Variants in PANX3 observed in about 807,000 individuals in gnomAD.
PANX3 encodes pannexin-3.
A neutral mutation model predicts 31.5 loss-of-function variants in PANX3; 18 were observed. The ratio of observed to expected loss-of-function variants is 0.57; its 90% CI spans 0.39 to 0.85. The LOEUF (loss-of-function observed/expected upper bound fraction) is 0.85. Among genes scored for constraint, PANX3 ranks in the 40% least tolerant of loss-of-function variants. The probability of loss-of-function intolerance (pLI) is 0.00; values close to 1 mark genes in which losing one functional copy is unlikely to be tolerated. For synonymous variants in PANX3, 194 were observed against 201.6 expected (o/e 0.96, Z 0.32); for missense variants, 426 against 485.4 (o/e 0.88, Z 1.15).
chr11:124,616,036 TA>T lies in PANX3; in HGVS notation c.325-1233del, dbSNP rs1208378721. Among the ~76,000 whole-genome samples the T allele has an allele frequency of 1.3e-5, 2 of 151,984 alleles. No individual in the cohort carries two copies. Among genetic ancestry groups the T allele is most frequent in the African/African-American group, 2.4e-5 (1 of 41,364 alleles). ...CTCAATAAATAAATAAATAAATAAA[TA>T]AAAATCTTTACAAGTAGAGATTTTA... On this transcript the variant is annotated intron_variant, in intron 2 of 3. Coordinates refer to ENST00000284288, the MANE Select transcript of PANX3 (RefSeq NM_052959.3). The surrounding 1 kb of genome is among the most constrained non-coding windows in gnomAD (Gnocchi z 4.8).
At chr11:124,618,932 C>T (rs1224543463) in intron 3 of PANX3, among the ~76,000 whole-genome samples, 2 of 152,168 alleles carry the variant, frequency 1.3e-5, no homozygotes, top group Non-Finnish European at 2.9e-5. Flanking sequence ...CCACCATGCC[C>T]GGCCCAGAAT....
Position 124,616,733 on chromosome 11 carries a change from AG to A in PANX3, c.325-540del, listed in dbSNP as rs1863156539. 6.6e-6 allele frequency among the ~76,000 whole-genome samples: 1 copy of A among 152,216 alleles called. No homozygotes were observed. Among genetic ancestry groups the A allele is most frequent in the Non-Finnish European group, 1.5e-5 (1 of 68,030 alleles). Reference sequence around the variant, plus strand: ...TTACCAAGAATCCAAAAATCAGAAAAGACCACTGTGCATCAGACAAGTCCAG... The same window carrying A: ...TTACCAAGAATCCAAAAATCAGAAAAACCACTGTGCATCAGACAAGTCCAG... On this transcript the variant is annotated intron_variant, in intron 2 of 3. Transcript: ENST00000284288. The surrounding 1 kb of genome is among the most constrained non-coding windows in gnomAD (Gnocchi z 4.8).
chr11:124,618,448 C>T (rs189981425), intron 3 of PANX3, among the ~76,000 whole-genome samples: 4 of 152,258 alleles, frequency 2.6e-5, no homozygotes, highest in East Asian at 1.9e-4. Flanking sequence ...ATTTTTATTC[C>T]GTATTTGCAT....
chr11:124,615,106 CAG>C (rs1354569066), intron 2 of PANX3, among the ~76,000 whole-genome samples: 12 of 151,404 alleles, frequency 7.9e-5, no homozygotes, highest in African/African-American at 1.5e-4. Context: ...CTTTTTGAGA[CAG>C]AGTCTTACTC....
chr11:124,617,157 CCAAA>C, intron 2 of PANX3, 113 bp from the exon 3 acceptor site: 1 of 881,826 alleles, frequency 1.1e-6, no homozygotes, highest in South Asian at 1.6e-5. Context: ...AGCCCATTCC[CCAAA>C]CAGCCTTCCC....
At chr11:124,612,630 A>C (rs1863106432) in intron 1 of PANX3, among the ~76,000 whole-genome samples, 1 of 152,208 alleles carries the variant, frequency 6.6e-6, no homozygotes, top group South Asian at 2.1e-4. Context: ...TCAACATTTT[A>C]GAGTCTAAAG....
intron 2 of PANX3, among the ~76,000 whole-genome samples, chr11:124,615,814 C>A (rs1863146739): frequency 6.6e-6 from 1 of 152,098 alleles, no homozygotes; most frequent in East Asian, 1.9e-4. Context: ...GAATTCAAGA[C>A]CAGCCTGGCC....
In PANX3 at chr11:124,613,194, C is replaced by G. The variant is rs903914142; in HGVS notation, c.324+72C>G. ...GTGCAGAACCCCTTCATTCTACTCC[C>G]TCTTGCCTCTATCCCCACCACCCCT... On this transcript the variant is annotated intron_variant, in intron 2 of 3. Coordinates refer to ENST00000284288, the MANE Select transcript of PANX3 (RefSeq NM_052959.3). 7 of 1,531,946 alleles carry G rather than the reference C, an allele frequency of 4.6e-6. No individual in the cohort carries two copies. In the East Asian group the frequency reaches 1.4e-4, roughly 30 times the overall value. The allele number at this position is 1,531,946 out of a possible 1,614,324, so 94.9% of individuals were successfully genotyped here. A position where few individuals can be genotyped will look rare whatever the true frequency, so the allele number is the denominator to read the frequency against.
rs1382511448 is a variant in PANX3, at chr11:124,619,520, T to TC, written c.768dup (p.Asn257GlnfsTer17). The TC allele has an allele frequency of 6.2e-7, 1 of 1,614,184 alleles. No homozygotes were observed. The highest frequency in any genetic ancestry group is 8.5e-7 in the Non-Finnish European group (1 of 1,180,036). On this transcript the variant is annotated frameshift_variant, in exon 4 of 4. Coordinates refer to ENST00000284288, the MANE Select transcript of PANX3 (RefSeq NM_052959.3). LOFTEE classifies it high-confidence loss of function. ...GGGCTGCTAAGTGATGAGACCCATG[T>TC]CCCCAATCTGATCACATGCAGGCTG...
chr11:124,618,193 C>T (rs1863174783), intron 3 of PANX3, among the ~76,000 whole-genome samples: 2 of 152,268 alleles, frequency 1.3e-5, no homozygotes, highest in Admixed American at 1.3e-4. Context: ...TGTAGCTTCA[C>T]ACAGAGTGGC....
At position 124,616,245 on chromosome 11, in the gene PANX3, C is replaced by G. The variant is rs1863151965; in HGVS notation, c.325-1029C>G. 6.6e-6 allele frequency among the ~76,000 whole-genome samples: 1 copy of G among 152,136 alleles called. No individual in the cohort carries two copies. The highest frequency in any genetic ancestry group is 6.5e-5 in the Admixed American group (1 of 15,276). On this transcript the variant is annotated intron_variant, in intron 2 of 3. Transcript: ENST00000284288. The surrounding 1 kb of genome is among the most constrained non-coding windows in gnomAD (Gnocchi z 4.8). ...GACCGGAAGTCTAAGATCAAGGTGTCATCAGTATTGGCTCCTCTGAAGGCT... is the reference window on the plus strand; with the variant it reads ...GACCGGAAGTCTAAGATCAAGGTGTGATCAGTATTGGCTCCTCTGAAGGCT...
At chr11:124,618,946 C>T (rs1454697703) in intron 3 of PANX3, among the ~76,000 whole-genome samples, 1 of 152,198 alleles carries the variant, frequency 6.6e-6, no homozygotes, top group Non-Finnish European at 1.5e-5. Flanking sequence ...CCAGAATGCA[C>T]TTAGCTAAAC....
At chr11:124,614,456 T>G (rs1565394577) in intron 2 of PANX3, among the ~76,000 whole-genome samples, 1 of 151,708 alleles carries the variant, frequency 6.6e-6, no homozygotes, top group African/African-American at 2.4e-5. Context: ...TTAGTAGAGA[T>G]GGAGTTTCAC....
Position 124,611,493 on chromosome 11 carries a change from TCTC to T in PANX3, c.-60_-58del. ...CAAAGTCAGCTGCCTGAAGCTGCCG[TCTC>T]CTCATTCCACCATCCCAGGACCCCT... On this transcript the variant is annotated 5_prime_UTR_variant, in exon 1 of 4. Transcript: ENST00000284288. 6 of 1,487,058 alleles carry T rather than the reference TCTC, an allele frequency of 4.0e-6. No homozygotes were observed. The highest frequency in any genetic ancestry group is 5.4e-6 in the Non-Finnish European group (6 of 1,102,054). The allele number at this position is 1,487,058 out of a possible 1,614,324, so 92.1% of individuals were successfully genotyped here.
At chr11:124,614,826 G>A (rs1311821652) in intron 2 of PANX3, among the ~76,000 whole-genome samples, 1 of 151,388 alleles carries the variant, frequency 6.6e-6, no homozygotes, top group African/African-American at 2.4e-5. Flanking sequence ...ACAGGCACCC[G>A]CTACCATCCC....
intron 3 of PANX3, 21 bp from the exon 4 acceptor site, chr11:124,619,275 C>A: frequency 6.2e-7 from 1 of 1,600,768 alleles, no homozygotes; most frequent in Non-Finnish European, 8.5e-7. Context: ...CTAACCTTGC[C>A]TCCTTCCTTC....
rs776849734 is a variant in PANX3 at position 124,616,191 on chromosome 11, A to G, written c.325-1083A>G. On this transcript the variant is annotated intron_variant, in intron 2 of 3. Transcript: ENST00000284288. This position sits in a 1 kb window ranked among gnomAD's most constrained non-coding sequence, Gnocchi z 4.8. ...GCACCACCAACTGGGTGGCTTCAAC[A>G]ATCAAAATTATCGTCTCAGGGTTCT... 1.3e-5 allele frequency among the ~76,000 whole-genome samples: 2 copies of G among 152,106 alleles called. No individual in the cohort carries two copies. The highest frequency in any genetic ancestry group is 2.4e-5 in the African/African-American group (1 of 41,420).
chr11:124,613,154 C>T lies in PANX3; in HGVS notation c.324+32C>T, dbSNP rs201119800. On this transcript the variant is annotated intron_variant, in intron 2 of 3. Coordinates refer to ENST00000284288, the MANE Select transcript of PANX3 (RefSeq NM_052959.3). ...CAAACTCTCTGTAAGGCCAGCTTCACGGCTGAGTGGAGTGGTGCAGAACCC... is the reference window on the plus strand; with the variant it reads ...CAAACTCTCTGTAAGGCCAGCTTCATGGCTGAGTGGAGTGGTGCAGAACCC... 5.7e-5 allele frequency: 91 copies of T among 1,605,484 alleles called. 2 individuals carry two copies. In the Admixed American group the frequency reaches 6.5e-4, roughly 12 times the overall value.
chr11:124,613,077 G>C lies in PANX3; in HGVS notation c.279G>C (p.Gln93His). Residue 93 changes from glutamine to histidine, a missense_variant, in exon 2 of 4, where the codon CAG becomes CAC. Physicochemically the swap from Gln to His is conservative, Grantham distance 24. Coordinates refer to ENST00000284288, the MANE Select transcript of PANX3 (RefSeq NM_052959.3). ...GGGACTCACTGCTTCACCATAAGCA[G>C]GACGGGCCTGGCCAGGACAAAATGA... ...SCWDSLLHHK[Q>H]DGPGQDKMKS... 1.9e-6 allele frequency: 3 copies of C among 1,614,068 alleles called. No individual in the cohort carries two copies. In the South Asian group the frequency reaches 3.3e-5, roughly 18 times the overall value.
Sources: allele counts gnomAD v4.1 joint callset (sites outside exome capture counted in the v4.1 genomes callset), GRCh38; gene constraint gnomAD v4.1.1; non-coding constraint Gnocchi (gnomAD v3.1); transcripts MANE v1.5; gene names NCBI Gene and HGNC (gene_info 2026-07-23, HGNC 2026-07-21).